The following WDR48 variants were observed in gnomAD, a reference collection of about 807,000 sequenced individuals.
WDR48 encodes the protein WD repeat-containing protein 48.
In WDR48, 22 loss-of-function variants were observed where a neutral mutation model predicts 94.0. The observed-to-expected ratio is 0.23, with a 90% CI of 0.17 to 0.33. WDR48 has a LOEUF of 0.33. Among genes scored for constraint, WDR48 ranks in the 10% least tolerant of loss-of-function variants. WDR48 has a pLI of 1.00. For missense variants in WDR48, 541 were observed against 813.8 expected (o/e 0.66, Z 4.08); for synonymous variants, 278 against 280.5 (o/e 0.99, Z 0.09).
At chr3:39,057,416 A>G (rs2032841057) in intron 1 of WDR48, among the ~76,000 whole-genome samples, 1 of 152,246 alleles carries the variant, frequency 6.6e-6, no homozygotes, top group Admixed American at 6.5e-5. Context: ...TTATCCAGAC[A>G]GTAGAGAGAC....
rs770150330 is a variant in WDR48, at chr3:39,079,740, C to G, written c.1105C>G (p.Leu369Val). The G allele has an allele frequency of 6.4e-7, 1 of 1,562,472 alleles. No individual in the cohort carries two copies. Residue 369 changes from leucine to valine, a missense_variant, in exon 11 of 19, where the codon CTT becomes GTT. This residue lies in a region of WDR48 where 238 missense variants were observed against 285.3 expected (regional missense o/e 0.83). Coordinates refer to ENST00000302313, the MANE Select transcript of WDR48 (RefSeq NM_020839.4). ...GGASIIQCHI[L>V]NDKRHILTKD... is the part of the protein sequence containing the mutation. ...TGCTAGTATTATTCAGTGCCACATT[C>G]TTAATGATAAGAGACATATATTAAC...
At position 39,085,529 on chromosome 3, in the gene WDR48, C is replaced by G; in HGVS notation, c.1393C>G (p.Leu465Val). The G allele has an allele frequency of 6.2e-7, 1 of 1,611,092 alleles. No individual in the cohort carries two copies. ...GSDPKLNLGG[L>V]LLQALLEYWP... ...CTTTTTTGCAGTGAATTTAGGAGGACTTTTACTCCAAGCACTCCTGGAATA... is the reference window on the plus strand; with the variant it reads ...CTTTTTTGCAGTGAATTTAGGAGGAGTTTTACTCCAAGCACTCCTGGAATA... Residue 465 changes from leucine to valine, a missense_variant, in exon 14 of 19, where the codon CTT (leucine) becomes GTT (valine). Around this residue, in one of 5 missense-constraint regions of WDR48, gnomAD observed 238 missense variants for 285.3 expected, o/e 0.83. Coordinates refer to ENST00000302313, the MANE Select transcript of WDR48 (RefSeq NM_020839.4).
At chr3:39,077,255 T>C (rs1253991363) in intron 9 of WDR48, 42 bp downstream of exon 9, 1 of 1,609,780 alleles carries the variant, frequency 6.2e-7, no homozygotes. Context: ...TAAACATGTA[T>C]TTTGTTATCA....
intron 11 of WDR48, among the ~76,000 whole-genome samples, chr3:39,081,967 G>A (rs548362878): frequency 1.6e-4 from 24 of 152,366 alleles, no homozygotes; most frequent in African/African-American, 5.5e-4. Flanking sequence ...GTGTGGGACA[G>A]TCAGGAGTTT....
At chr3:39,091,593 CTG>C in intron 16 of WDR48, 30 bp from the exon 17 acceptor site, 1 of 1,501,892 alleles carries the variant, frequency 6.7e-7, no homozygotes, top group East Asian at 2.3e-5. Flanking sequence ...CTAATAGAAA[CTG>C]TTATACCTTT....
chr3:39,077,019 T>C, intron 8 of WDR48, 120 bp from the exon 9 acceptor site: 1 of 1,065,718 alleles, frequency 9.4e-7, no homozygotes, highest in South Asian at 1.4e-5. Context: ...TTTTCACACA[T>C]GCCCAGGTAT....
At chr3:39,065,332 C>T (rs530076080) in intron 2 of WDR48, among the ~76,000 whole-genome samples, 1 of 152,244 alleles carries the variant, frequency 6.6e-6, no homozygotes, top group East Asian at 1.9e-4. Context: ...AAGCTGAAAG[C>T]AGAAGTGTTT....
chr3:39,064,757 C>T (rs147018419), intron 2 of WDR48, among the ~76,000 whole-genome samples: 22 of 152,338 alleles, frequency 1.4e-4, no homozygotes, highest in African/African-American at 5.1e-4. Context: ...AAAAGAACCA[C>T]TACTTTATGC....
intron 3 of WDR48, among the ~76,000 whole-genome samples, 182 bp downstream of exon 3, chr3:39,066,071 C>T (rs561412027): frequency 3.1e-4 from 47 of 152,316 alleles, no homozygotes; most frequent in African/African-American, 1.0e-3. Flanking sequence ...TTGTGCCACC[C>T]TTTGCCACCC....
intron 6 of WDR48, among the ~76,000 whole-genome samples, chr3:39,069,349 A>G (rs1189251477): frequency 6.6e-6 from 1 of 152,216 alleles, no homozygotes; most frequent in Non-Finnish European, 1.5e-5. Flanking sequence ...TGTAATTATT[A>G]AATATATGGA....
chr3:39,056,831 G>C (rs931747334), intron 1 of WDR48, among the ~76,000 whole-genome samples: 1 of 152,182 alleles, frequency 6.6e-6, no homozygotes, highest in South Asian at 2.1e-4. Context: ...GAAAGAAGGA[G>C]GCATTAGAAT....
chr3:39,056,477 A>G (rs542958560), intron 1 of WDR48, among the ~76,000 whole-genome samples: 1 of 152,352 alleles, frequency 6.6e-6, no homozygotes, highest in South Asian at 2.1e-4. Context: ...CAGAAAAACT[A>G]ATGATAGAAA....
intron 9 of WDR48, 58 bp from the exon 10 acceptor site, chr3:39,078,079 C>T: frequency 7.6e-7 from 1 of 1,320,626 alleles, no homozygotes; most frequent in Non-Finnish European, 1.1e-6. Context: ...CCACTTTAAA[C>T]AGGCTGGCAA....
At chr3:39,077,239 G>C (rs749942119) in intron 9 of WDR48, 26 bp downstream of exon 9, 1 of 1,613,320 alleles carries the variant, frequency 6.2e-7, no homozygotes, top group South Asian at 1.1e-5. Context: ...ACCTGGCAAA[G>C]GTTTATAAAC....
At chr3:39,087,561 A>G (rs2034874707) in intron 14 of WDR48, among the ~76,000 whole-genome samples, 2 of 152,222 alleles carry the variant, frequency 1.3e-5, no homozygotes, top group Non-Finnish European at 2.9e-5. Flanking sequence ...TGAGGCCGCA[A>G]TGATCTGTGA....
rs1161825804 is a variant in WDR48 at position 39,096,203 on chromosome 3, G to GC, written c.*1462dup. Reference sequence around the variant, plus strand: ...TCAGCTTCTTTTGGAAACTGGACAGGCCATTGCCACCTGCACTTTGAAGAA... The same window carrying GC: ...TCAGCTTCTTTTGGAAACTGGACAGGCCCATTGCCACCTGCACTTTGAAGAA... On this transcript the variant is annotated 3_prime_UTR_variant, in exon 19 of 19. Coordinates refer to ENST00000302313, the MANE Select transcript of WDR48 (RefSeq NM_020839.4). 1 of 152,362 alleles carries GC rather than the reference G, an allele frequency of 6.6e-6. No homozygotes were observed. Among genetic ancestry groups the GC allele is most frequent in the Non-Finnish European group, 1.5e-5 (1 of 68,042 alleles). 9.4% of individuals were successfully genotyped at this position (152,362 alleles called of 1,614,324 possible). A position where few individuals can be genotyped will look rare whatever the true frequency, so the allele number is the denominator to read the frequency against.
At position 39,067,106 on chromosome 3, in the gene WDR48, A is replaced by G. The variant is rs375771470; in HGVS notation, c.481+231A>G. On this transcript the variant is annotated intron_variant, in intron 5 of 18. Transcript: ENST00000302313. ...CAGGTATAACCTGGTTATTTTTTGT[A>G]CGTGTGCATGTCTTAGCTCCCTAGC... Among the ~76,000 whole-genome samples the G allele has an allele frequency of 2.0e-5, 3 of 152,142 alleles. No homozygotes were observed. In the East Asian group the frequency reaches 5.8e-4, roughly 29 times the overall value.
chr3:39,056,037 T>G (rs2032861193), intron 1 of WDR48, among the ~76,000 whole-genome samples: 2 of 152,214 alleles, frequency 1.3e-5, no homozygotes, highest in Non-Finnish European at 2.9e-5. Context: ...GCCAGACATT[T>G]TAAATTTTTT....
Position 39,078,127 on chromosome 3 carries a change from G to A in WDR48, c.973-10G>A. The A allele has an allele frequency of 6.3e-7, 1 of 1,593,784 alleles. No individual in the cohort carries two copies. The highest frequency in any genetic ancestry group is 8.6e-7 in the Non-Finnish European group (1 of 1,165,482). On this transcript the variant is annotated splice_polypyrimidine_tract_variant and intron_variant, in intron 9 of 18. Coordinates refer to ENST00000302313, the MANE Select transcript of WDR48 (RefSeq NM_020839.4). ...ATAACATGATCAAATAACAAATTTTGTAATTTTAGACTTTGAAAGGAATTC... is the reference window on the plus strand; with the variant it reads ...ATAACATGATCAAATAACAAATTTTATAATTTTAGACTTTGAAAGGAATTC...
Sources: allele counts gnomAD v4.1 joint callset (sites outside exome capture counted in the v4.1 genomes callset), GRCh38; gene constraint gnomAD v4.1.1; regional missense constraint gnomAD v4.1.1; transcripts MANE v1.5; gene names NCBI Gene and HGNC (gene_info 2026-07-23, HGNC 2026-07-21).